PRPF3: variants seen among roughly 807,000 people sequenced by gnomAD.
PRPF3 encodes the protein U4/U6 small nuclear ribonucleoprotein Prp3.
Under a neutral mutation model 89.2 loss-of-function variants are expected in PRPF3, and 3 were observed. The observed-to-expected ratio is 0.03, with a 90% CI of 0.02 to 0.09. The LOEUF is 0.09. Ranked by LOEUF, PRPF3 falls within the 10% of genes least tolerant of loss-of-function variation. PRPF3 has a pLI of 1.00. For missense variants in PRPF3, 463 were observed against 828.8 expected, an observed-to-expected ratio of 0.56 and a Z score of 5.42; for synonymous variants, 270 against 289.1, an observed-to-expected ratio of 0.93 and a Z score of 0.67.
intron 4 of PRPF3, among the ~76,000 whole-genome samples, chr1:150,329,184 T>C (rs1189486953): frequency 1.3e-5 from 2 of 151,552 alleles, no homozygotes; most frequent in African/African-American, 4.9e-5. Flanking sequence ...CGAACACCAC[T>C]ACGCCTGGCT....
chr1:150,323,779 C>CTTTTTTT (rs781936072), intron 1 of PRPF3, among the ~76,000 whole-genome samples: 1 of 126,156 alleles, frequency 7.9e-6, no homozygotes. Context: ...ACAGAACATT[C>CTTTTTTT]TTTTTTTTTT....
At chr1:150,334,824 C>T in intron 6 of PRPF3, 111 bp from the exon 7 acceptor site, 1 of 1,332,436 alleles carries the variant, frequency 7.5e-7, no homozygotes, top group Middle Eastern at 2.3e-4. Flanking sequence ...CTGCCTTGGC[C>T]TCCCAAAATG....
chr1:150,331,229 G>T (rs1412853004), intron 4 of PRPF3, among the ~76,000 whole-genome samples: 3 of 151,474 alleles, frequency 2.0e-5, no homozygotes, highest in African/African-American at 7.3e-5. Flanking sequence ...AGTAGAGATG[G>T]GGTTTCACCC....
chr1:150,327,318 G>A (rs782650236), intron 3 of PRPF3, among the ~76,000 whole-genome samples: 6 of 151,856 alleles, frequency 4.0e-5, no homozygotes, highest in Admixed American at 1.3e-4. Flanking sequence ...TGCTCGCCTC[G>A]GCCTCCCAAA....
chr1:150,352,771 A>AT, intron 15 of PRPF3, 62 bp from the exon 16 acceptor site: 1 of 1,552,756 alleles, frequency 6.4e-7, no homozygotes, highest in Non-Finnish European at 8.8e-7. Context: ...TCTTCTTATA[A>AT]AAGAATATTA....
rs183091609 is a variant in PRPF3, at chr1:150,336,730, T to C, written c.1036-1430T>C. Among the ~76,000 whole-genome samples the C allele has an allele frequency of 6.9e-3, 1,053 of 152,072 alleles. 5 individuals are homozygous for C. Among genetic ancestry groups the C allele is most frequent in the Non-Finnish European group, 0.012 (822 of 67,992 alleles). On this transcript the variant is annotated intron_variant, in intron 7 of 15. Transcript: ENST00000324862. ...GAGATCGCACCACTGCACTCCAGCATGGGCAAAAGAGCGAAACTCCGTCTC... is the reference window on the plus strand; with the variant it reads ...GAGATCGCACCACTGCACTCCAGCACGGGCAAAAGAGCGAAACTCCGTCTC...
chr1:150,346,115 A>G lies in PRPF3; in HGVS notation c.1738A>G (p.Asn580Asp). The change falls in exon 13 of 16, where the codon AAC (asparagine) becomes GAC (aspartate). Residue 580 changes from asparagine (N) to aspartate (D), a missense_variant. Physicochemically the swap from Asn to Asp is conservative, Grantham distance 23 (BLOSUM62 1). Around this residue, in one of 8 missense-constraint regions of PRPF3, gnomAD observed 261 missense variants for 475.8 expected, o/e 0.55. Coordinates refer to ENST00000324862, the MANE Select transcript of PRPF3 (RefSeq NM_004698.4). ...GGTGGTGGTACTGCACAAGGATGTC[A>G]ACGTGGTAGTAGTGGAAGGGGGTGA... ...TGVVVLHKDV[N>D]VVVVEGGPKA... 1 of 1,614,180 alleles carries G rather than the reference A, an allele frequency of 6.2e-7. No individual in the cohort carries two copies. The highest frequency in any genetic ancestry group is 8.5e-7 in the Non-Finnish European group (1 of 1,179,998).
intron 7 of PRPF3, among the ~76,000 whole-genome samples, chr1:150,337,363 A>G (rs1553868228): frequency 6.6e-6 from 1 of 151,908 alleles, no homozygotes; most frequent in Non-Finnish European, 1.5e-5. Flanking sequence ...CTGCGTATTT[A>G]CTGCAGGCAT....
rs782777084 is a variant in PRPF3, at chr1:150,325,836, G to T, written c.231G>T (p.Arg77Ser). Residue 77 changes from arginine to serine, a missense_variant, in exon 3 of 16, where the codon AGG becomes AGT. Physicochemically the swap from Arg to Ser is moderately radical, Grantham distance 110. Around this residue, in one of 8 missense-constraint regions of PRPF3, gnomAD observed 21 missense variants for 16.6 expected, o/e 1.26. Transcript: ENST00000324862. ...FEAVEEGRSSRHSKSSSDRSR... is the reference protein window; with the variant it reads ...FEAVEEGRSSSHSKSSSDRSR... ...CTGTGGAGGAAGGCCGAAGCTCTAGGCATTCCAAGTCTAGCAGTGACAGGA... is the reference window on the plus strand; with the variant it reads ...CTGTGGAGGAAGGCCGAAGCTCTAGTCATTCCAAGTCTAGCAGTGACAGGA... The T allele has an allele frequency of 6.2e-7, 1 of 1,613,730 alleles. No homozygotes were observed. Among genetic ancestry groups the T allele is most frequent in the South Asian group, 1.1e-5 (1 of 91,086 alleles).
intron 14 of PRPF3, among the ~76,000 whole-genome samples, chr1:150,347,589 G>A (rs907809520): frequency 2.0e-5 from 3 of 152,000 alleles, no homozygotes; most frequent in Non-Finnish European, 4.4e-5. Context: ...AATTCGGGGC[G>A]TGGTGGTGGA....
Position 150,340,416 on chromosome 1 carries a change from G to A in PRPF3, c.1221G>A (p.Lys407=). The A allele has an allele frequency of 6.2e-7, 1 of 1,603,004 alleles. No homozygotes were observed. The highest frequency in any genetic ancestry group is 8.5e-7 in the Non-Finnish European group (1 of 1,169,932). Residue 407 remains lysine (K), a synonymous_variant, in exon 9 of 16, where the codon AAG becomes AAA. Transcript: ENST00000324862. ...NGFDLTEENP[K]REDYFGITNL... is the part of the protein sequence containing the mutation. ...ATTTTAGTACAGAGGAAAATCCCAAGAGAGAAGATTATTTTGGAATCACAA... is the reference window on the plus strand; with the variant it reads ...ATTTTAGTACAGAGGAAAATCCCAAAAGAGAAGATTATTTTGGAATCACAA...
intron 14 of PRPF3, among the ~76,000 whole-genome samples, chr1:150,347,507 G>C (rs1162738024): frequency 6.6e-6 from 1 of 152,148 alleles, no homozygotes. Flanking sequence ...GAGGCGAGCA[G>C]ATCATTTGAG....
At chr1:150,330,057 G>T (rs1656166530) in intron 4 of PRPF3, 1 of 152,088 alleles carries the variant, frequency 6.6e-6, no homozygotes, top group Non-Finnish European at 1.5e-5. Flanking sequence ...ACCGTACCTA[G>T]CCTGTTTTTG....
At chr1:150,329,432 G>A (rs1553864796) in intron 4 of PRPF3, among the ~76,000 whole-genome samples, 4 of 152,200 alleles carry the variant, frequency 2.6e-5, no homozygotes, top group Non-Finnish European at 1.5e-5. Context: ...ACTGTGGCAA[G>A]CAAAGTGTGT....
At chr1:150,344,129 C>T in intron 10 of PRPF3, 33 bp from the exon 11 acceptor site, 1 of 1,581,180 alleles carries the variant, frequency 6.3e-7, no homozygotes. Flanking sequence ...GAAGTGACTT[C>T]AAAGACTGAT....
intron 11 of PRPF3, 55 bp downstream of exon 11, chr1:150,344,316 T>G (rs968701719): frequency 6.2e-6 from 10 of 1,613,728 alleles, no homozygotes; most frequent in Admixed American, 3.3e-5. Context: ...CCCAAACTCT[T>G]CTGGGGGGTC....
rs1553866960 is a variant in PRPF3, at chr1:150,335,154, C to T, written c.948C>T (p.Ser316=). 3 of 1,613,942 alleles carry T rather than the reference C, an allele frequency of 1.9e-6. No homozygotes were observed. Among genetic ancestry groups the T allele is most frequent in the African/African-American group, 2.7e-5 (2 of 74,890 alleles). The change falls in exon 7 of 16, where the codon TCC becomes TCT. Residue 316 remains serine, a synonymous_variant. Coordinates refer to ENST00000324862, the MANE Select transcript of PRPF3 (RefSeq NM_004698.4). The stretch of plus-strand genomic sequence containing the variant: ...ATACCTTTTTTGACCCCCGAGTCTC[C>T]ATTGCCCCTTCCCAGCGCCAGAGAC... The part of the protein sequence containing the change: ...ESNTFFDPRV[S]IAPSQRQRRT...
intron 15 of PRPF3, among the ~76,000 whole-genome samples, chr1:150,349,882 T>TGGGGGCGG (rs58307408): frequency 0.54 from 52,119 of 96,546 alleles, 11,732 homozygotes; most frequent in Non-Finnish European, 0.58. Context: ...TATCTTTTTT[T>TGGGGGCGG]GGGGGCGGGG....
At chr1:150,330,068 T>A (rs935990881) in intron 4 of PRPF3, 6 of 152,232 alleles carry the variant, frequency 3.9e-5, no homozygotes, top group Non-Finnish European at 8.8e-5. Flanking sequence ...CCTGTTTTTG[T>A]TTTTCAGGCA....
Sources: gnomAD v4.1 joint callset for allele counts (sites outside exome capture counted in the v4.1 genomes callset) on GRCh38, gnomAD v4.1.1 for gene constraint, gnomAD v4.1.1 regional missense constraint, MANE v1.5 for transcripts, NCBI Gene and HGNC (gene_info 2026-07-23, HGNC 2026-07-21) for gene names.